ERICH1: variants seen among roughly 807,000 people sequenced by gnomAD.
The protein encoded by ERICH1 is glutamate-rich protein 1.
A neutral mutation model predicts 39.6 loss-of-function variants in ERICH1; 56 were observed. The observed-to-expected ratio is 1.41, with a 90% confidence interval of 1.14 to 1.77. The LOEUF (loss-of-function observed/expected upper bound fraction) is 1.77. Among genes scored for constraint, ERICH1 ranks in the 40% most tolerant of loss-of-function variants. The pLI is 0.00. For synonymous variants in ERICH1, 313 were observed against 223.6 expected (o/e 1.40, Z -3.57); for missense variants, 826 against 575.4 (o/e 1.44, Z -4.45).
rs145066056 is a variant in ERICH1, at chr8:615,516, G to A, written c.977-232C>T. 1,612 of 430,964 alleles carry A rather than the reference G, an allele frequency of 3.7e-3. 7 individuals carry two copies. Among genetic ancestry groups the A allele is most frequent in the Middle Eastern group, 6.1e-3 (10 of 1,640 alleles). The allele number at this position is 430,964 out of a possible 1,614,324, so 26.7% of individuals were successfully genotyped here. On this transcript the variant is annotated intron_variant, in intron 3 of 3. Coordinates refer to the ERICH1 transcript ENST00000522706. ...GTGCACTGACACCATTCCTGCAAAGGGAAGGCTCAGACAATGGCAGTGTTG... is the reference window on the plus strand; with the variant it reads ...GTGCACTGACACCATTCCTGCAAAGAGAAGGCTCAGACAATGGCAGTGTTG...
intron 3 of ERICH1, chr8:616,226 G>A (rs1480118564): frequency 1.3e-5 from 3 of 230,936 alleles, no homozygotes; most frequent in South Asian, 1.1e-4. Context: ...ATAAGCCCAC[G>A]AGTTTCTCTG....
chr8:714,782 C>A (rs561516369), intron 2 of ERICH1, among the ~76,000 whole-genome samples: 1 of 150,698 alleles, frequency 6.6e-6, no homozygotes, highest in African/African-American at 2.4e-5. Context: ...GCGGCCTCTT[C>A]CGGCATCTCT....
chr8:703,718 A>C (rs890103269), intron 2 of ERICH1, among the ~76,000 whole-genome samples: 1 of 152,222 alleles, frequency 6.6e-6, no homozygotes. Flanking sequence ...TGGAAGATGA[A>C]ATTTGAGAAA....
At chr8:662,770 G>A (rs1801618895), downstream of ERICH1, among the ~76,000 whole-genome samples, 1 of 152,132 alleles carries the variant, frequency 6.6e-6, no homozygotes, top group Admixed American at 6.5e-5. Context: ...GCAGGAGTCC[G>A]GCTTGGACAC....
At chr8:655,836 C>G (rs1302581287) in intron 3 of ERICH1, among the ~76,000 whole-genome samples, 2 of 152,206 alleles carry the variant, frequency 1.3e-5, no homozygotes, top group South Asian at 4.2e-4. Flanking sequence ...TTTTAACTCA[C>G]GACCACGTTT....
rs1265815476 is a variant in ERICH1 at position 712,266 on chromosome 8, T to G, written c.169+3595A>C. 2.6e-5 allele frequency among the ~76,000 whole-genome samples: 4 copies of G among 152,214 alleles called. No homozygotes were observed. The East Asian group carries it at 7.7e-4, about 29-fold the overall frequency. On this transcript the variant is annotated intron_variant, in intron 2 of 5. Coordinates refer to ENST00000262109, the MANE Select transcript of ERICH1 (RefSeq NM_207332.3). ...TGAGTATCTCTATAATATCGAGTCT[T>G]CCTATCCATGAACATGGAATATCTG...
At chr8:623,095 A>C (rs1302048101) in intron 3 of ERICH1, among the ~76,000 whole-genome samples, 1 of 152,232 alleles carries the variant, frequency 6.6e-6, no homozygotes, top group African/African-American at 2.4e-5. Context: ...ACGAGAGATA[A>C]AACAGGCAAA....
At chr8:701,583 A>G (rs1400924335) in intron 2 of ERICH1, among the ~76,000 whole-genome samples, 1 of 152,240 alleles carries the variant, frequency 6.6e-6, no homozygotes, top group Non-Finnish European at 1.5e-5. Flanking sequence ...TCAGGTGAGC[A>G]ACAGAGTCGG....
At chr8:629,930 C>G (rs1286936898) in intron 3 of ERICH1, among the ~76,000 whole-genome samples, 1 of 134,702 alleles carries the variant, frequency 7.4e-6, no homozygotes. Flanking sequence ...CCTCCCGTGA[C>G]CACCCACACA....
intron 1 of ERICH1, among the ~76,000 whole-genome samples, chr8:722,540 G>T (rs1817570703): frequency 6.6e-6 from 1 of 152,176 alleles, no homozygotes; most frequent in African/African-American, 2.4e-5. Context: ...AATATATGTA[G>T]CTCACAAAGA....
At chr8:723,415 G>A (rs1817801492) in intron 1 of ERICH1, among the ~76,000 whole-genome samples, 1 of 152,202 alleles carries the variant, frequency 6.6e-6, no homozygotes, top group African/African-American at 2.4e-5. Context: ...ACAGAAAAGT[G>A]ATTAGATTTT....
intron 3 of ERICH1, chr8:615,621 G>A (rs558238023): frequency 4.7e-5 from 10 of 210,800 alleles, no homozygotes; most frequent in African/African-American, 9.1e-5. Context: ...CAGGGGAGGC[G>A]TGTCTGACCC....
Position 645,222 on chromosome 8 carries a change from G to A in ERICH1, c.976+23376C>T, listed in dbSNP as rs1224683765. 3.0e-5 allele frequency among the ~76,000 whole-genome samples: 2 copies of A among 67,522 alleles called. 1 individual carries two copies. Among genetic ancestry groups the A allele is most frequent in the East Asian group, 6.2e-4 (2 of 3,236 alleles). 44.3% of individuals were successfully genotyped at this position (67,522 alleles called of 152,430 possible). ...TCCGCGTTGAGCTGTGACCGCAGAC[G>A]CGCTTTCCTTGCTTTGGGACGCACC... On this transcript the variant is annotated intron_variant, in intron 3 of 3. Transcript: ENST00000522706.
rs113808309 is a variant in ERICH1 at position 634,183 on chromosome 8, A to ACAAACAAACAAAAAACAAAC, written c.977-18900_977-18899insGTTTGTTTTTTGTTTGTTTG. Among the ~76,000 whole-genome samples the ACAAACAAACAAAAAACAAAC allele has an allele frequency of 1.5e-3, 202 of 135,842 alleles. 1 individual carries two copies. Among genetic ancestry groups the ACAAACAAACAAAAAACAAAC allele is most frequent in the African/African-American group, 4.0e-3 (138 of 34,356 alleles). 89.1% of individuals were successfully genotyped at this position (135,842 alleles called of 152,430 possible). Reference sequence around the variant, plus strand: ...TCCTAAAACTCAAAAAAAAAAAAAAAAAACAAACAAAAAAAACCCTGATTC... The same window carrying ACAAACAAACAAAAAACAAAC: ...TCCTAAAACTCAAAAAAAAAAAAAAACAAACAAACAAAAAACAAACAAACAAACAAAAAAAACCCTGATTC... On this transcript the variant is annotated intron_variant, in intron 3 of 3. Transcript: ENST00000522706.
chr8:708,278 A>C (rs549805926), intron 2 of ERICH1, among the ~76,000 whole-genome samples: 1 of 152,246 alleles, frequency 6.6e-6, no homozygotes, highest in African/African-American at 2.4e-5. Flanking sequence ...CTGCATTTCC[A>C]CTCCTAAGTA....
chr8:620,781 T>G (rs1004369621), intron 3 of ERICH1, among the ~76,000 whole-genome samples: 1 of 152,074 alleles, frequency 6.6e-6, no homozygotes, highest in African/African-American at 2.4e-5. Context: ...CCAAAATATA[T>G]AAAGCAAACT....
rs1801893012 is a variant in ERICH1 at position 664,496 on chromosome 8, G to A, written c.*107C>T. ...AACAAACACGTGAATAAATAATATGGCATAAATGTCTTTCAAGTTCCCAGA... is the reference window on the plus strand; with the variant it reads ...AACAAACACGTGAATAAATAATATGACATAAATGTCTTTCAAGTTCCCAGA... On this transcript the variant is annotated 3_prime_UTR_variant, in exon 6 of 6. Coordinates refer to ENST00000262109, the MANE Select transcript of ERICH1 (RefSeq NM_207332.3). 28 of 1,395,530 alleles carry A rather than the reference G, an allele frequency of 2.0e-5. No homozygotes were observed. Among genetic ancestry groups the A allele is most frequent in the Non-Finnish European group, 2.6e-5 (28 of 1,070,092 alleles). The allele number at this position is 1,395,530 out of a possible 1,614,324, so 86.4% of individuals were successfully genotyped here.
chr8:650,771 C>T (rs1799847085), intron 3 of ERICH1, among the ~76,000 whole-genome samples: 1 of 152,320 alleles, frequency 6.6e-6, no homozygotes, highest in Non-Finnish European at 1.5e-5. Context: ...GCTCCGAGGC[C>T]TGCAGAGCCG....
chr8:662,450 A>T (rs1290206013), downstream of ERICH1, among the ~76,000 whole-genome samples: 1 of 146,866 alleles, frequency 6.8e-6, no homozygotes, highest in Non-Finnish European at 1.5e-5. Flanking sequence ...GGAGTTCAAG[A>T]CCAGCCTGAC....
Sources: gnomAD v4.1 joint callset for allele counts (sites outside exome capture counted in the v4.1 genomes callset) on GRCh38, gnomAD v4.1.1 for gene constraint, MANE v1.5 for transcripts, NCBI Gene and HGNC (gene_info 2026-07-23, HGNC 2026-07-21) for gene names.